The following RSPO2 variants were observed in gnomAD, a reference collection of about 807,000 sequenced individuals.
RSPO2 encodes R-spondin-2.
RSPO2 carries 14 observed loss-of-function variants against 30.9 expected under a neutral mutation model. That is an observed-to-expected ratio of 0.45 (90% CI 0.30 to 0.71). The LOEUF is 0.71. Among genes scored for constraint, RSPO2 ranks in the 30% least tolerant of loss-of-function variants. The probability of loss-of-function intolerance (pLI) is 0.08; values close to 1 mark genes in which losing one functional copy is unlikely to be tolerated. For missense variants in RSPO2, 264 were observed against 301.9 expected (o/e 0.87, Z 0.93); for synonymous variants, 107 against 96.4 (o/e 1.11, Z -0.64).
At chr8:107,914,942 A>G (rs962087624) in intron 5 of RSPO2, among the ~76,000 whole-genome samples, 2 of 152,178 alleles carry the variant, frequency 1.3e-5, no homozygotes, top group African/African-American at 2.4e-5. Context: ...TCTAACATAT[A>G]TCTTTCTTTG....
chr8:108,081,120 G>A (rs933274888), intron 2 of RSPO2, among the ~76,000 whole-genome samples: 5 of 152,130 alleles, frequency 3.3e-5, no homozygotes, highest in Non-Finnish European at 5.9e-5. Context: ...GAGAGGGAGG[G>A]AGAGAAGTTG....
intron 5 of RSPO2, among the ~76,000 whole-genome samples, chr8:107,945,533 C>G (rs956107373): frequency 9.9e-5 from 15 of 152,224 alleles, no homozygotes; most frequent in African/African-American, 3.4e-4. Context: ...CAGGCATGAG[C>G]CACCGTGCTC....
intron 4 of RSPO2, among the ~76,000 whole-genome samples, chr8:107,960,324 C>CT (rs1313279225): frequency 6.6e-6 from 1 of 151,812 alleles, no homozygotes; most frequent in Non-Finnish European, 1.5e-5. Flanking sequence ...AATAGAGTAG[C>CT]TAGCTGATGT....
At chr8:108,049,899 C>T (rs564215794) in intron 2 of RSPO2, among the ~76,000 whole-genome samples, 1 of 152,234 alleles carries the variant, frequency 6.6e-6, no homozygotes, top group Admixed American at 6.5e-5. Context: ...GATTTATAAT[C>T]CTTTGGGCAA....
chr8:107,955,706 T>C (rs1813409065), intron 5 of RSPO2, among the ~76,000 whole-genome samples: 1 of 152,228 alleles, frequency 6.6e-6, no homozygotes, highest in Non-Finnish European at 1.5e-5. Context: ...CTTATATGCA[T>C]AGTGATGACT....
At chr8:108,075,492 A>G (rs963035924) in intron 2 of RSPO2, among the ~76,000 whole-genome samples, 1 of 151,960 alleles carries the variant, frequency 6.6e-6, no homozygotes, top group African/African-American at 2.4e-5. Context: ...AAAAAAAAAA[A>G]AAGGGTTACC....
chr8:107,901,540 TA>T (rs1811463716), intron 5 of RSPO2, among the ~76,000 whole-genome samples: 2 of 152,214 alleles, frequency 1.3e-5, no homozygotes, highest in African/African-American at 4.8e-5. Flanking sequence ...TACATCTTAC[TA>T]CTGCTCCACG....
chr8:107,982,041 AGAAAG>A (rs1814460185), intron 3 of RSPO2, among the ~76,000 whole-genome samples: 1 of 149,926 alleles, frequency 6.7e-6, no homozygotes, highest in Admixed American at 6.6e-5. Flanking sequence ...AAGGAAGGAA[AGAAAG>A]AAGAAAAAAA....
chr8:108,043,966 AC>A (rs1414695496), intron 2 of RSPO2, among the ~76,000 whole-genome samples: 16 of 152,136 alleles, frequency 1.1e-4, no homozygotes, highest in African/African-American at 3.4e-4. Flanking sequence ...CAATGTTTTT[AC>A]TGGCTTATAA....
intron 3 of RSPO2, 22 bp from the exon 4 acceptor site, chr8:107,960,839 A>T (rs369095388): frequency 2.0e-6 from 3 of 1,537,008 alleles, no homozygotes; most frequent in Non-Finnish European, 1.8e-6. Context: ...TTTAAAGAGA[A>T]AAAAGAAAAT....
chr8:108,044,982 G>A (rs1811870428), intron 2 of RSPO2, among the ~76,000 whole-genome samples: 1 of 152,086 alleles, frequency 6.6e-6, no homozygotes, highest in African/African-American at 2.4e-5. Context: ...AATCCTCGAA[G>A]AACCTAGGAA....
intron 5 of RSPO2, among the ~76,000 whole-genome samples, chr8:107,911,048 C>T (rs1490492182): frequency 6.6e-6 from 1 of 152,128 alleles, no homozygotes; most frequent in East Asian, 1.9e-4. Context: ...TGAAAGTGGT[C>T]AGGAACCAAA....
intron 3 of RSPO2, among the ~76,000 whole-genome samples, chr8:107,961,458 A>G (rs1464087761): frequency 6.6e-6 from 1 of 152,190 alleles, no homozygotes; most frequent in African/African-American, 2.4e-5. Flanking sequence ...GCAAATAAGA[A>G]ACCTGGGACT....
rs539897843 is a variant in RSPO2 at position 107,989,178 on chromosome 8, C to T, written c.161G>A (p.Arg54Gln). The T allele has an allele frequency of 2.2e-5, 36 of 1,610,530 alleles. No homozygotes were observed. The African/African-American group carries it at 3.6e-4, about 16-fold the overall frequency. ...LSCSKDNGCSRCQQKLFFFLR... is the reference protein window; with the variant it reads ...LSCSKDNGCSQCQQKLFFFLR... Reference sequence around the variant, plus strand: ...GAAGAAGAACAACTTCTGTTGACATCGGCTACACCCATTGTCCTTTGAACA... The same window carrying T: ...GAAGAAGAACAACTTCTGTTGACATTGGCTACACCCATTGTCCTTTGAACA... Residue 54 changes from arginine (R) to glutamine (Q), a missense_variant, in exon 3 of 6, where the codon CGA (arginine) becomes CAA (glutamine). Coordinates refer to ENST00000276659, the MANE Select transcript of RSPO2 (RefSeq NM_178565.5).
intron 2 of RSPO2, among the ~76,000 whole-genome samples, chr8:108,049,833 TTGCTATTG>T (rs1812024452): frequency 6.6e-6 from 1 of 152,196 alleles, no homozygotes; most frequent in Non-Finnish European, 1.5e-5. Context: ...TTCCAAGTCT[TTGCTATTG>T]TAAACAGTGC....
At chr8:107,964,522 T>C (rs1269396130) in intron 3 of RSPO2, among the ~76,000 whole-genome samples, 3 of 152,216 alleles carry the variant, frequency 2.0e-5, no homozygotes. Context: ...TGAGCCACCA[T>C]GCCTGGCCAA....
At chr8:107,989,493 T>A in intron 2 of RSPO2, 3 of 421,472 alleles carry the variant, frequency 7.1e-6, no homozygotes, top group Non-Finnish European at 1.2e-5. Context: ...GAATGGCTCA[T>A]GGGGATGTCA....
chr8:108,074,964 C>T (rs17405875), intron 2 of RSPO2, among the ~76,000 whole-genome samples: 25,188 of 152,128 alleles, frequency 0.17, 2,717 homozygotes, highest in Non-Finnish European at 0.24. Context: ...ACATCTGTAT[C>T]TCTCATGGGT....
chr8:107,926,524 T>C (rs976642619), intron 5 of RSPO2, among the ~76,000 whole-genome samples: 1 of 152,234 alleles, frequency 6.6e-6, no homozygotes, highest in African/African-American at 2.4e-5. Flanking sequence ...CTAGGGTTTT[T>C]ATGGTTTTAG....
Sources: gnomAD v4.1 joint callset for allele counts (sites outside exome capture counted in the v4.1 genomes callset) on GRCh38, gnomAD v4.1.1 for gene constraint, MANE v1.5 for transcripts, NCBI Gene and HGNC (gene_info 2026-07-23, HGNC 2026-07-21) for gene names.